The following ACSL4 variants were observed in gnomAD, a reference collection of about 807,000 sequenced individuals.
ACSL4 encodes the protein long-chain-fatty-acid--CoA ligase 4.
ACSL4 carries 9 observed loss-of-function variants against 49.1 expected under a neutral mutation model. The ratio of observed to expected loss-of-function variants is 0.18; its 90% CI spans 0.11 to 0.32. The LOEUF (loss-of-function observed/expected upper bound fraction) is 0.32, where lower values mean the gene tolerates loss of function less well. Ranked by LOEUF, ACSL4 falls within the 10% of genes least tolerant of loss-of-function variation. ACSL4 has a pLI of 1.00. For missense variants in ACSL4, 333 were observed against 493.7 expected (o/e 0.67, Z 3.08); for synonymous variants, 191 against 170.3 (o/e 1.12, Z -0.95).
intron 2 of ACSL4, among the ~76,000 whole-genome samples, chrX:109,684,281 T>C (rs1441271264): frequency 8.9e-6 from 1 of 112,912 alleles, no homozygotes; most frequent in East Asian, 2.8e-4. Flanking sequence ...GTCCACTTTG[T>C]GCTCAAAACT....
chrX:109,661,814 G>T (rs1922202879), intron 13 of ACSL4, among the ~76,000 whole-genome samples, 169 bp from the exon 14 acceptor site: 1 of 110,753 alleles, frequency 9.0e-6, no homozygotes, highest in African/African-American at 3.3e-5. Context: ...TTTTAAAATG[G>T]CAAAAACTGC....
intron 1 of ACSL4, among the ~76,000 whole-genome samples, chrX:109,728,215 A>C (rs1928159619): frequency 8.9e-6 from 1 of 112,562 alleles, no homozygotes. Flanking sequence ...GCTGCTATAA[A>C]AGGAAAAATG....
intron 1 of ACSL4, among the ~76,000 whole-genome samples, chrX:109,713,408 T>G (rs1261062871): frequency 8.9e-6 from 1 of 112,079 alleles, no homozygotes; most frequent in Admixed American, 9.5e-5. Context: ...TTGTCAACAT[T>G]GTTGCTTAGT....
intron 1 of ACSL4, among the ~76,000 whole-genome samples, chrX:109,704,542 G>T (rs1926208313): frequency 8.9e-6 from 1 of 111,798 alleles, no homozygotes; most frequent in Admixed American, 9.5e-5. Flanking sequence ...TACATACCAA[G>T]TTGTAGACTC....
At chrX:109,711,556 G>C (rs1049349965) in intron 1 of ACSL4, among the ~76,000 whole-genome samples, 1 of 112,455 alleles carries the variant, frequency 8.9e-6, no homozygotes, top group Non-Finnish European at 1.9e-5. Context: ...TGATCTCACA[G>C]CTGTAGCCAT....
chrX:109,729,171 A>C (rs1928240970), intron 1 of ACSL4, among the ~76,000 whole-genome samples: 1 of 111,038 alleles, frequency 9.0e-6, no homozygotes, highest in South Asian at 3.8e-4. Flanking sequence ...GTGAGATTGC[A>C]CCACTGCACT....
chrX:109,700,338 T>C (rs1001472883), intron 1 of ACSL4, among the ~76,000 whole-genome samples: 4 of 109,357 alleles, frequency 3.7e-5, no homozygotes, highest in Non-Finnish European at 5.7e-5. Flanking sequence ...AAGACCAGCC[T>C]GGCCAACATG....
At chrX:109,657,213 T>A (rs1180052928) in intron 15 of ACSL4, among the ~76,000 whole-genome samples, 2 of 111,632 alleles carry the variant, frequency 1.8e-5, no homozygotes, top group Non-Finnish European at 3.8e-5. Context: ...AAAACGTGTT[T>A]TTTATTTTTA....
chrX:109,704,818 A>G (rs975126495), intron 1 of ACSL4, among the ~76,000 whole-genome samples: 2 of 111,935 alleles, frequency 1.8e-5, no homozygotes, highest in Non-Finnish European at 3.8e-5. Flanking sequence ...GTTATGAAAG[A>G]TGAAGAAGTC....
At chrX:109,646,864 GT>G (rs1934736869) in intron 15 of ACSL4, among the ~76,000 whole-genome samples, 2 of 110,767 alleles carry the variant, frequency 1.8e-5, no homozygotes, top group African/African-American at 6.6e-5. Flanking sequence ...AAAGGCAGGG[GT>G]TGCAATCCTA....
rs771502760 is a variant in ACSL4 at position 109,682,780 on chromosome X, G to A, written c.345C>T (p.Phe115=). 2 of 1,210,076 alleles carry A rather than the reference G, an allele frequency of 1.7e-6. No individual in the cohort carries two copies. Among genetic ancestry groups the A allele is most frequent in the South Asian group, 1.8e-5 (1 of 56,823 alleles). ...GLKPKNTIAI[F]CETRAEWMIA... is the part of the protein sequence containing the mutation. ...TCATCCATTCGGCCCTGGTCTCACA[G>A]AAGATGGCAATGGTGTTCTTTGGTT... The change falls in exon 4 of 16, where the codon TTC becomes TTT. Residue 115 remains phenylalanine, a synonymous_variant. Coordinates refer to ENST00000672401, the MANE Select transcript of ACSL4 (RefSeq NM_001318510.2).
intron 1 of ACSL4, among the ~76,000 whole-genome samples, chrX:109,719,241 G>A (rs1284878601): frequency 9.0e-6 from 1 of 111,649 alleles, no homozygotes; most frequent in African/African-American, 3.3e-5. Context: ...AACATTTTAT[G>A]TAACCAAACA....
rs768987485 is a variant in ACSL4, at chrX:109,648,718, A to C, written c.1856-4532T>G. 3.4e-3 allele frequency among the ~76,000 whole-genome samples: 369 copies of C among 107,009 alleles called. 1 individual carries two copies. Among genetic ancestry groups the C allele is most frequent in the African/African-American group, 0.012 (342 of 29,397 alleles). The allele number at this position is 107,009 out of a possible 115,157, so 92.9% of individuals were successfully genotyped here. A position where few individuals can be genotyped will look rare whatever the true frequency, so the allele number is the denominator to read the frequency against. On this transcript the variant is annotated intron_variant, in intron 15 of 15. Transcript: ENST00000672401. ...GGAAATAAAGGGTATTCAATTAGGA[A>C]AAGAGGAAGTCAAATTGTCCCTGTT...
chrX:109,691,594 T>C (rs548448354), intron 2 of ACSL4, among the ~76,000 whole-genome samples: 1 of 112,177 alleles, frequency 8.9e-6, no homozygotes, highest in East Asian at 2.8e-4. Context: ...GTAAATGAAA[T>C]CAAACTTTAC....
At chrX:109,650,685 TAAAG>T (rs1042859632) in intron 15 of ACSL4, among the ~76,000 whole-genome samples, 8 of 111,462 alleles carry the variant, frequency 7.2e-5, no homozygotes, top group Non-Finnish European at 1.5e-4. Context: ...TAATAATAAA[TAAAG>T]AAATACACAA....
rs185154938 is a variant in ACSL4 at position 109,669,755 on chromosome X, A to G, written c.1003-582T>C. Among the ~76,000 whole-genome samples the G allele has an allele frequency of 5.5e-3, 616 of 111,656 alleles. 6 individuals carry two copies. Among genetic ancestry groups the G allele is most frequent in the African/African-American group, 0.017 (532 of 30,789 alleles). On this transcript the variant is annotated intron_variant, in intron 9 of 15. Coordinates refer to ENST00000672401, the MANE Select transcript of ACSL4 (RefSeq NM_001318510.2). ...TAGAGAATTCACTCAGCTGTCGCAGAAAAAAAAATTAATCTCTGTTACAAT... is the reference window on the plus strand; with the variant it reads ...TAGAGAATTCACTCAGCTGTCGCAGGAAAAAAAATTAATCTCTGTTACAAT...
At chrX:109,716,312 AAT>A (rs1470389115) in intron 1 of ACSL4, among the ~76,000 whole-genome samples, 2 of 112,343 alleles carry the variant, frequency 1.8e-5, no homozygotes, top group African/African-American at 6.5e-5. Context: ...AGTTAAAAAT[AAT>A]AGTTACCCTC....
intron 9 of ACSL4, among the ~76,000 whole-genome samples, chrX:109,672,033 C>A (rs1358227140): frequency 1.0e-5 from 1 of 98,971 alleles, no homozygotes; most frequent in African/African-American, 3.9e-5. Flanking sequence ...TATGACCCTG[C>A]CAAATCCCCC....
intron 11 of ACSL4, 65 bp from the exon 12 acceptor site, chrX:109,665,559 G>A (rs1184494776): frequency 1.1e-6 from 1 of 913,346 alleles, no homozygotes; most frequent in Non-Finnish European, 1.6e-6. Context: ...AATGCACTGG[G>A]AATATTAGAG....
Sources: allele counts gnomAD v4.1 joint callset (sites outside exome capture counted in the v4.1 genomes callset), GRCh38; gene constraint gnomAD v4.1.1; transcripts MANE v1.5; gene names NCBI Gene and HGNC (gene_info 2026-07-23, HGNC 2026-07-21).